Variants in TBC1D19 observed in about 807,000 individuals in gnomAD.
TBC1D19 encodes TBC1 domain family, member 19.
A neutral mutation model predicts 89.0 loss-of-function variants in TBC1D19; 60 were observed. The observed-to-expected ratio is 0.67, with a 90% confidence interval of 0.55 to 0.84. The LOEUF is 0.84. Among genes scored for constraint, TBC1D19 ranks in the 40% least tolerant of loss-of-function variants. The probability of loss-of-function intolerance (pLI) is 0.00; values close to 1 mark genes in which losing one functional copy is unlikely to be tolerated. For synonymous variants in TBC1D19, 189 were observed against 199.7 expected, an observed-to-expected ratio of 0.95 and a Z score of 0.45; for missense variants, 500 against 610.8, an observed-to-expected ratio of 0.82 and a Z score of 1.91.
intron 7 of TBC1D19, among the ~76,000 whole-genome samples, chr4:26,640,811 G>T (rs1384750133): frequency 1.3e-5 from 2 of 152,146 alleles, no homozygotes; most frequent in Non-Finnish European, 2.9e-5. Flanking sequence ...CTTCTAGTCC[G>T]AGATCAAACT....
chr4:26,765,392 T>C, the TBC1D19 span, among the ~76,000 whole-genome samples: 4 of 148,552 alleles, frequency 2.7e-5, no homozygotes, highest in South Asian at 8.5e-4. Flanking sequence ...AGAAAAGAGA[T>C]TGAAAAACCC....
the TBC1D19 span, among the ~76,000 whole-genome samples, chr4:26,786,796 G>GATGGATGGATGGATGT: frequency 3.0e-4 from 45 of 147,930 alleles, no homozygotes; most frequent in Non-Finnish European, 4.8e-4. Context: ...TGGATGGATG[G>GATGGATGGATGGATGT]GTGGGTGGAA....
chr4:26,674,144 T>C (rs564756471), intron 11 of TBC1D19, among the ~76,000 whole-genome samples: 2 of 152,220 alleles, frequency 1.3e-5, no homozygotes, highest in African/African-American at 2.4e-5. Flanking sequence ...AAACAGTAAG[T>C]AAAATTTTGA....
At chr4:26,632,479 A>G (rs1211121814) in intron 4 of TBC1D19, among the ~76,000 whole-genome samples, 2 of 152,060 alleles carry the variant, frequency 1.3e-5, no homozygotes, top group East Asian at 1.9e-4. Context: ...GTAGATCATC[A>G]TAAATATCTT....
chr4:26,728,964 G>A (rs1293113409), intron 15 of TBC1D19, among the ~76,000 whole-genome samples: 1 of 152,176 alleles, frequency 6.6e-6, no homozygotes, highest in African/African-American at 2.4e-5. Context: ...GAAGTGAGCC[G>A]AAATCGCGTC....
intron 13 of TBC1D19, among the ~76,000 whole-genome samples, chr4:26,705,213 T>G (rs954719970): frequency 6.6e-6 from 1 of 152,164 alleles, no homozygotes; most frequent in African/African-American, 2.4e-5. Context: ...TTTGTAAATA[T>G]TTTCTCCCAT....
At chr4:26,796,214 T>A in the TBC1D19 span, among the ~76,000 whole-genome samples, 2 of 152,112 alleles carry the variant, frequency 1.3e-5, no homozygotes, top group African/African-American at 2.4e-5. Context: ...AATGAAAAAA[T>A]ATATATAGAA....
In TBC1D19 at chr4:26,666,339, T is replaced by A. The variant is rs768016088; in HGVS notation, c.598T>A (p.Cys200Ser). 6.2e-7 allele frequency: 1 copy of A among 1,610,860 alleles called. No homozygotes were observed. Among genetic ancestry groups the A allele is most frequent in the Non-Finnish European group, 8.5e-7 (1 of 1,178,026 alleles). The change falls in exon 9 of 21, where the codon TGC (cysteine) becomes AGC (serine). Residue 200 changes from cysteine (C) to serine (S), a missense_variant. By Grantham distance (112) the Cys-to-Ser change is moderately radical (BLOSUM62 -1). This residue lies in a region of TBC1D19 where 280 missense variants were observed against 291.7 expected (regional missense o/e 0.96). Coordinates refer to ENST00000264866, the MANE Select transcript of TBC1D19 (RefSeq NM_018317.4). ...KVKDIPELKE[C>S]FVELGLNIGQ... is the part of the protein sequence containing the mutation. ...TACGTATGTTATTTTTCAGAAAGAA[T>A]GCTTTGTGGAACTTGGCTTAAATAT...
chr4:26,612,921 T>G (rs1319825053), intron 1 of TBC1D19, among the ~76,000 whole-genome samples: 1 of 152,096 alleles, frequency 6.6e-6, no homozygotes, highest in East Asian at 1.9e-4. Flanking sequence ...ATCTCCAAGT[T>G]TGTATAGTTT....
At chr4:26,650,717 A>G (rs1744304098) in intron 7 of TBC1D19, among the ~76,000 whole-genome samples, 1 of 152,084 alleles carries the variant, frequency 6.6e-6, no homozygotes, top group Admixed American at 6.5e-5. Flanking sequence ...CTTTTGTTTA[A>G]TTAGATCCCA....
the TBC1D19 span, among the ~76,000 whole-genome samples, chr4:26,795,044 C>G: frequency 1.3e-5 from 2 of 152,170 alleles, no homozygotes; most frequent in African/African-American, 4.8e-5. Context: ...TCAGATCATG[C>G]CATGCCTCTG....
chr4:26,761,844 A>T, the TBC1D19 span, among the ~76,000 whole-genome samples: 2 of 152,106 alleles, frequency 1.3e-5, no homozygotes, highest in Non-Finnish European at 2.9e-5. Context: ...ACAGTAGGGG[A>T]GGATGGGCAC....
At chr4:26,678,087 A>G (rs1462027224) in intron 11 of TBC1D19, among the ~76,000 whole-genome samples, 5 of 152,214 alleles carry the variant, frequency 3.3e-5, no homozygotes, top group African/African-American at 1.2e-4. Context: ...AGAAGAAGAC[A>G]GGAAAATGTG....
At chr4:26,592,508 A>G (rs187961978) in intron 1 of TBC1D19, among the ~76,000 whole-genome samples, 1 of 150,520 alleles carries the variant, frequency 6.6e-6, no homozygotes, top group East Asian at 1.9e-4. Context: ...CAGGTTAAAG[A>G]AATAAAGGGT....
intron 11 of TBC1D19, among the ~76,000 whole-genome samples, chr4:26,676,149 A>G (rs1712783188): frequency 6.6e-6 from 1 of 152,176 alleles, no homozygotes; most frequent in African/African-American, 2.4e-5. Flanking sequence ...TTCTTTAATA[A>G]TTTCTTAGGA....
intron 7 of TBC1D19, among the ~76,000 whole-genome samples, chr4:26,652,012 C>T (rs1218786431): frequency 6.6e-6 from 1 of 151,916 alleles, no homozygotes; most frequent in African/African-American, 2.4e-5. Context: ...TGCTGGATTA[C>T]ATTTATTGAT....
chr4:26,819,545 G>A, the TBC1D19 span, among the ~76,000 whole-genome samples: 2 of 152,214 alleles, frequency 1.3e-5, no homozygotes, highest in African/African-American at 2.4e-5. Context: ...TCTCCCAGAT[G>A]ATGGCAACAG....
At chr4:26,734,743 C>A (rs570931171) in intron 15 of TBC1D19, among the ~76,000 whole-genome samples, 1 of 151,980 alleles carries the variant, frequency 6.6e-6, no homozygotes, top group African/African-American at 2.4e-5. Context: ...TTAGCATATT[C>A]GATTCTAATA....
At chr4:26,820,172 AG>A in the TBC1D19 span, among the ~76,000 whole-genome samples, 1 of 152,244 alleles carries the variant, frequency 6.6e-6, no homozygotes, top group African/African-American at 2.4e-5. Context: ...TTGGAGGATG[AG>A]AACATTAAAA....
Sources: gnomAD v4.1 joint callset for allele counts (sites outside exome capture counted in the v4.1 genomes callset) on GRCh38, gnomAD v4.1.1 for gene constraint, gnomAD v4.1.1 regional missense constraint, MANE v1.5 for transcripts, NCBI Gene and HGNC (gene_info 2026-07-23, HGNC 2026-07-21) for gene names.